Variants in MCPH1 observed in about 807,000 individuals in gnomAD.
The protein encoded by MCPH1 is microcephalin.
Under a neutral mutation model 84.5 loss-of-function variants are expected in MCPH1, and 104 were observed. That is an observed-to-expected ratio of 1.23 (90% CI 1.05 to 1.45). The LOEUF (loss-of-function observed/expected upper bound fraction) is 1.45. Ranked by LOEUF, MCPH1 falls within the 40% of genes most tolerant of loss-of-function variation. The pLI, the probability that MCPH1 is intolerant of heterozygous loss-of-function variation, is 0.00. For synonymous variants in MCPH1, 514 were observed against 366.8 expected, an observed-to-expected ratio of 1.40 and a Z score of -4.58; for missense variants, 1,498 against 1,005.7, an observed-to-expected ratio of 1.49 and a Z score of -6.62.
At chr8:6,597,507 CAACA>C (rs1268116659) in intron 12 of MCPH1, among the ~76,000 whole-genome samples, 1 of 152,098 alleles carries the variant, frequency 6.6e-6, no homozygotes, top group African/African-American at 2.4e-5. Context: ...AAATAAAAGA[CAACA>C]AACAGCCCCA....
chr8:6,544,162 A>T (rs920022916), intron 12 of MCPH1, among the ~76,000 whole-genome samples: 7 of 152,246 alleles, frequency 4.6e-5, no homozygotes, highest in Non-Finnish European at 8.8e-5. Context: ...TTTGGTAGGA[A>T]GTGTAACAAG....
At chr8:6,437,476 G>T (rs561803915) in intron 5 of MCPH1, among the ~76,000 whole-genome samples, 1 of 152,106 alleles carries the variant, frequency 6.6e-6, no homozygotes, top group African/African-American at 2.4e-5. Flanking sequence ...TGATCTGCCC[G>T]CTTCAGCCTC....
intron 5 of MCPH1, among the ~76,000 whole-genome samples, chr8:6,437,415 G>C (rs1423178216): frequency 2.0e-5 from 3 of 151,992 alleles, no homozygotes; most frequent in Non-Finnish European, 4.4e-5. Flanking sequence ...ATTTTTAGTA[G>C]AAACAGGGTT....
At chr8:6,473,623 G>T (rs576528903) in intron 9 of MCPH1, among the ~76,000 whole-genome samples, 1 of 152,190 alleles carries the variant, frequency 6.6e-6, no homozygotes, top group African/African-American at 2.4e-5. Flanking sequence ...GAGCCACCGC[G>T]CCCAGCCTGT....
chr8:6,494,927 A>G (rs1811074699), intron 11 of MCPH1, among the ~76,000 whole-genome samples: 1 of 152,212 alleles, frequency 6.6e-6, no homozygotes, highest in Admixed American at 6.5e-5. Context: ...AAAAAGTCAT[A>G]TATGGAAAAT....
chr8:6,429,672 C>G (rs1262668083), intron 3 of MCPH1, among the ~76,000 whole-genome samples: 1 of 152,142 alleles, frequency 6.6e-6, no homozygotes, highest in African/African-American at 2.4e-5. Context: ...GCTAAGTCCA[C>G]CAGATTTAAC....
In MCPH1 at chr8:6,580,748, A is replaced by G. The variant is rs567571063; in HGVS notation, c.2215-40706A>G. 2.6e-5 allele frequency among the ~76,000 whole-genome samples: 4 copies of G among 152,346 alleles called. No individual in the cohort carries two copies. In the South Asian group the frequency reaches 8.3e-4, roughly 32 times the overall value. Reference sequence around the variant, plus strand: ...TTATAGAGGAGGAAAAAGACCCAGGAGGCAGAAAGACTTCCCTGAGGGCCA... The same window carrying G: ...TTATAGAGGAGGAAAAAGACCCAGGGGGCAGAAAGACTTCCCTGAGGGCCA... On this transcript the variant is annotated intron_variant, in intron 12 of 13. Coordinates refer to ENST00000344683, the MANE Select transcript of MCPH1 (RefSeq NM_024596.5).
At chr8:6,483,388 C>T (rs930471109) in intron 11 of MCPH1, among the ~76,000 whole-genome samples, 2 of 152,132 alleles carry the variant, frequency 1.3e-5, no homozygotes, top group African/African-American at 4.8e-5. Context: ...AAGGAAAGAA[C>T]AAGGAGGAGG....
At chr8:6,617,876 A>C (rs947287003) in intron 12 of MCPH1, among the ~76,000 whole-genome samples, 1 of 135,976 alleles carries the variant, frequency 7.4e-6, no homozygotes, top group African/African-American at 2.7e-5. Context: ...TCTGTCTATC[A>C]TCCATCTATC....
intron 9 of MCPH1, among the ~76,000 whole-genome samples, chr8:6,458,766 T>G (rs1049272595): frequency 6.6e-6 from 1 of 152,146 alleles, no homozygotes; most frequent in African/African-American, 2.4e-5. Context: ...TGCCCCAGCC[T>G]CCTTAGTAGC....
chr8:6,586,909 C>T (rs998300611), intron 12 of MCPH1, among the ~76,000 whole-genome samples: 1 of 152,318 alleles, frequency 6.6e-6, no homozygotes, highest in East Asian at 1.9e-4. Flanking sequence ...ATTCCCTGTG[C>T]TGCTTCCTTT....
chr8:6,442,231 T>G, intron 7 of MCPH1, 75 bp downstream of exon 7: 1 of 924,762 alleles, frequency 1.1e-6, no homozygotes, highest in Non-Finnish European at 1.7e-6. Context: ...TAGAATTTCA[T>G]GTAGCAACTT....
rs145490270 is a variant in MCPH1 at position 6,432,663 on chromosome 8, C to T, written c.321+1077C>T. On this transcript the variant is annotated intron_variant, in intron 4 of 13. Transcript: ENST00000344683. ...CAAACTGAACTACATTTCCTGTAGACTAGAGGAGAAATAACTGTGAATTTC... is the reference window on the plus strand; with the variant it reads ...CAAACTGAACTACATTTCCTGTAGATTAGAGGAGAAATAACTGTGAATTTC... 2.4e-4 allele frequency among the ~76,000 whole-genome samples: 37 copies of T among 152,342 alleles called. 1 individual carries two copies. Among genetic ancestry groups the T allele is most frequent in the African/African-American group, 8.4e-4 (35 of 41,574 alleles).
intron 9 of MCPH1, among the ~76,000 whole-genome samples, chr8:6,456,243 C>G (rs982301995): frequency 2.6e-5 from 4 of 152,124 alleles, no homozygotes; most frequent in African/African-American, 4.8e-5. Context: ...GTCAGGGTCC[C>G]ATAACATGTT....
intron 12 of MCPH1, among the ~76,000 whole-genome samples, chr8:6,537,597 A>G (rs1006498934): frequency 3.3e-5 from 5 of 151,844 alleles, no homozygotes; most frequent in Non-Finnish European, 2.9e-5. Context: ...AGTGCAAAAT[A>G]TGTTCTGAAG....
At chr8:6,569,419 G>T (rs944247978) in intron 12 of MCPH1, among the ~76,000 whole-genome samples, 3 of 152,152 alleles carry the variant, frequency 2.0e-5, no homozygotes, top group Non-Finnish European at 4.4e-5. Context: ...CCATTCCCCA[G>T]TGCTGCTCAT....
chr8:6,615,080 G>A (rs540369941), intron 12 of MCPH1, among the ~76,000 whole-genome samples: 18 of 152,300 alleles, frequency 1.2e-4, no homozygotes, highest in African/African-American at 4.3e-4. Flanking sequence ...TCATCACTTG[G>A]CGTGCATGTG....
intron 12 of MCPH1, among the ~76,000 whole-genome samples, chr8:6,538,008 A>G (rs543836654): frequency 6.6e-6 from 1 of 152,304 alleles, no homozygotes; most frequent in East Asian, 1.9e-4. Context: ...ATTTTCTGGT[A>G]AATTAACAAA....
intron 9 of MCPH1, among the ~76,000 whole-genome samples, chr8:6,467,601 T>C (rs1807143741): frequency 6.6e-6 from 1 of 152,134 alleles, no homozygotes; most frequent in East Asian, 1.9e-4. Flanking sequence ...ATTCTTTTTT[T>C]TTGTTTTGTT....
Sources: allele counts gnomAD v4.1 joint callset (sites outside exome capture counted in the v4.1 genomes callset), GRCh38; gene constraint gnomAD v4.1.1; transcripts MANE v1.5; gene names NCBI Gene and HGNC (gene_info 2026-07-23, HGNC 2026-07-21).